RNLS: variants seen among roughly 807,000 people sequenced by gnomAD.
RNLS encodes renalase.
In RNLS, 39 loss-of-function variants were observed where a neutral mutation model predicts 39.8. That is an observed-to-expected ratio of 0.98 (90% CI 0.76 to 1.28). The LOEUF is 1.28. Ranked by LOEUF, RNLS falls within the 50% of genes most tolerant of loss-of-function variation. The pLI, the probability that RNLS is intolerant of heterozygous loss-of-function variation, is 0.00. For missense variants in RNLS, 410 were observed against 413.3 expected, an observed-to-expected ratio of 0.99 and a Z score of 0.07; for synonymous variants, 147 against 150.7, an observed-to-expected ratio of 0.98 and a Z score of 0.18.
chr10:88,272,812 T>TC (rs966186181), downstream of RNLS, among the ~76,000 whole-genome samples: 1 of 152,194 alleles, frequency 6.6e-6, no homozygotes, highest in African/African-American at 2.4e-5. Context: ...GCTTTGAATC[T>TC]CCAAGTTGGA....
At chr10:88,208,111 A>C in the RNLS span, among the ~76,000 whole-genome samples, 10 of 152,228 alleles carry the variant, frequency 6.6e-5, no homozygotes, top group Admixed American at 5.9e-4. Context: ...GTCTCTCTAT[A>C]GGCGAATTGT....
chr10:88,270,495 A>T (rs192592482), downstream of RNLS, among the ~76,000 whole-genome samples: 130 of 152,322 alleles, frequency 8.5e-4, no homozygotes, highest in South Asian at 8.7e-3. Context: ...GTGGTGGCCC[A>T]GAGTTTCCTT....
chr10:88,384,210 T>C (rs1851724677), intron 4 of RNLS, among the ~76,000 whole-genome samples: 1 of 152,210 alleles, frequency 6.6e-6, no homozygotes, highest in South Asian at 2.1e-4. Flanking sequence ...TTATGTCCTT[T>C]ATTGTCAAAG....
At chr10:88,355,864 T>C (rs546401292) in intron 5 of RNLS, among the ~76,000 whole-genome samples, 1 of 152,344 alleles carries the variant, frequency 6.6e-6, no homozygotes, top group East Asian at 1.9e-4. Flanking sequence ...CTCCACCCAG[T>C]TCGAGCTTCC....
intron 4 of RNLS, among the ~76,000 whole-genome samples, chr10:88,382,168 A>G (rs1851563432): frequency 6.6e-6 from 1 of 152,112 alleles, no homozygotes; most frequent in Non-Finnish European, 1.5e-5. Flanking sequence ...GTACTGTGAC[A>G]TCTTATTTTT....
chr10:88,372,542 G>A (rs186086466), intron 4 of RNLS, among the ~76,000 whole-genome samples: 2 of 152,130 alleles, frequency 1.3e-5, no homozygotes, highest in East Asian at 3.9e-4. Flanking sequence ...ACATTCAGTC[G>A]TTTCTATAGC....
the RNLS span, among the ~76,000 whole-genome samples, chr10:88,254,422 C>T: frequency 6.6e-6 from 1 of 152,190 alleles, no homozygotes; most frequent in Non-Finnish European, 1.5e-5. Flanking sequence ...AACATGTCAG[C>T]TTAGGAGTGG....
At chr10:88,420,340 C>A (rs181599862) in intron 4 of RNLS, among the ~76,000 whole-genome samples, 3 of 152,246 alleles carry the variant, frequency 2.0e-5, no homozygotes, top group Non-Finnish European at 4.4e-5. Context: ...TTTTTCAATA[C>A]AGCTATCTTA....
the RNLS span, among the ~76,000 whole-genome samples, chr10:88,173,570 G>A: frequency 6.6e-6 from 1 of 152,046 alleles, no homozygotes; most frequent in African/African-American, 2.4e-5. Context: ...AGATTTCTTT[G>A]GATAGCATGC....
At chr10:88,182,574 T>C in the RNLS span, among the ~76,000 whole-genome samples, 2 of 152,144 alleles carry the variant, frequency 1.3e-5, no homozygotes, top group African/African-American at 4.8e-5. Context: ...TTTTAAAATA[T>C]TCAAAGTCTC....
intron 4 of RNLS, among the ~76,000 whole-genome samples, chr10:88,452,785 C>G (rs1349441033): frequency 6.6e-6 from 1 of 152,196 alleles, no homozygotes; most frequent in African/African-American, 2.4e-5. Context: ...CATGGATCAT[C>G]AGGCACAGGT....
the RNLS span, among the ~76,000 whole-genome samples, chr10:88,221,350 G>A: frequency 6.6e-6 from 1 of 152,124 alleles, no homozygotes; most frequent in African/African-American, 2.4e-5. Context: ...TTTGTCACTG[G>A]TCCTTTTGAA....
At chr10:88,174,174 T>G in the RNLS span, among the ~76,000 whole-genome samples, 3 of 152,162 alleles carry the variant, frequency 2.0e-5, no homozygotes, top group Admixed American at 6.5e-5. Flanking sequence ...TTTTAATATG[T>G]AAGATTATGT....
At chr10:88,345,450 G>A (rs1474170016) in intron 5 of RNLS, among the ~76,000 whole-genome samples, 3 of 152,116 alleles carry the variant, frequency 2.0e-5, no homozygotes, top group Non-Finnish European at 4.4e-5. Flanking sequence ...CAGGTAATAA[G>A]ATATTGTTTA....
At chr10:88,220,523 A>G in the RNLS span, among the ~76,000 whole-genome samples, 4 of 152,208 alleles carry the variant, frequency 2.6e-5, no homozygotes, top group Non-Finnish European at 5.9e-5. Context: ...CCTTTGATAG[A>G]TGAGAAAACT....
chr10:88,274,627 G>A (rs1842744411), exon 7 of RNLS: 1 of 237,170 alleles, frequency 4.2e-6, no homozygotes, highest in Non-Finnish European at 8.5e-6. Flanking sequence ...CCTTTTGGCT[G>A]TTGTGAATAA....
Position 88,326,909 on chromosome 10 carries a change from G to A in RNLS, c.701-12268C>T, listed in dbSNP as rs554775756. Among the ~76,000 whole-genome samples, 81 of 152,330 alleles carry A rather than the reference G, an allele frequency of 5.3e-4. 1 individual carries two copies. The highest frequency in any genetic ancestry group is 1.9e-3 in the African/African-American group (78 of 41,582). On this transcript the variant is annotated intron_variant, in intron 5 of 6. Coordinates refer to ENST00000331772, the MANE Select transcript of RNLS (RefSeq NM_001031709.3). Reference sequence around the variant, plus strand: ...CAGTGTGACCTGGATGTGAGACATGGAGTCAAAGGAGATCATTTCAGAGCT... The same window carrying A: ...CAGTGTGACCTGGATGTGAGACATGAAGTCAAAGGAGATCATTTCAGAGCT...
intron 4 of RNLS, among the ~76,000 whole-genome samples, chr10:88,391,601 C>A (rs1253393498): frequency 6.6e-6 from 1 of 151,952 alleles, no homozygotes; most frequent in African/African-American, 2.4e-5. Flanking sequence ...CCATGAATTT[C>A]ATTTTAGAAT....
chr10:88,455,054 T>G (rs1258849781), intron 4 of RNLS, among the ~76,000 whole-genome samples: 1 of 152,200 alleles, frequency 6.6e-6, no homozygotes, highest in African/African-American at 2.4e-5. Flanking sequence ...TGTTCTGTTC[T>G]CAAGAAGTTC....
Sources: allele counts gnomAD v4.1 joint callset (sites outside exome capture counted in the v4.1 genomes callset), GRCh38; gene constraint gnomAD v4.1.1; transcripts MANE v1.5; gene names NCBI Gene and HGNC (gene_info 2026-07-23, HGNC 2026-07-21).